EPB41L3: variants seen among roughly 807,000 people sequenced by gnomAD.
The protein encoded by EPB41L3 is erythrocyte membrane protein band 4.1 like 3.
In EPB41L3, 57 loss-of-function variants were observed where a neutral mutation model predicts 127.1. The ratio of observed to expected loss-of-function variants is 0.45; its 90% CI spans 0.36 to 0.56. The LOEUF (loss-of-function observed/expected upper bound fraction) is 0.56. EPB41L3 is among the 20% of genes least tolerant of loss of function. The pLI is 0.00. For missense variants in EPB41L3, 1,273 were observed against 1,372.2 expected (o/e 0.93, Z 1.14); for synonymous variants, 572 against 549.5 (o/e 1.04, Z -0.57).
At chr18:5,429,721 G>A (rs909250560) in intron 8 of EPB41L3, among the ~76,000 whole-genome samples, 3 of 152,174 alleles carry the variant, frequency 2.0e-5, no homozygotes, top group Non-Finnish European at 4.4e-5. Context: ...TACTCTGCAG[G>A]AGTGGAAATA....
intron 5 of EPB41L3, among the ~76,000 whole-genome samples, chr18:5,439,031 G>A (rs1476238825): frequency 6.6e-6 from 1 of 151,668 alleles, no homozygotes; most frequent in African/African-American, 2.4e-5. Flanking sequence ...TATTCACTCT[G>A]TTCTTCCGGC....
chr18:5,592,398 C>T (rs2094494380), intron 3 of EPB41L3, among the ~76,000 whole-genome samples: 1 of 152,176 alleles, frequency 6.6e-6, no homozygotes, highest in Non-Finnish European at 1.5e-5. Flanking sequence ...AACTCCTGAC[C>T]TCATGATCCA....
chr18:5,428,931 C>T (rs1217284937), intron 8 of EPB41L3, among the ~76,000 whole-genome samples: 1 of 152,240 alleles, frequency 6.6e-6, no homozygotes, highest in Non-Finnish European at 1.5e-5. Flanking sequence ...AGAGGCAGCA[C>T]TCTTAACCAA....
chr18:5,588,480 A>G (rs2094458723), intron 3 of EPB41L3, among the ~76,000 whole-genome samples: 2 of 151,802 alleles, frequency 1.3e-5, no homozygotes, highest in Non-Finnish European at 2.9e-5. Flanking sequence ...AATGTCATAT[A>G]TATACACATA....
chr18:5,493,970 A>C (rs757586811), intron 1 of EPB41L3, among the ~76,000 whole-genome samples: 1 of 151,956 alleles, frequency 6.6e-6, no homozygotes, highest in Non-Finnish European at 1.5e-5. Context: ...TCTATTTCTA[A>C]ACTTCACAAT....
intron 8 of EPB41L3, among the ~76,000 whole-genome samples, chr18:5,432,614 TA>T (rs1186621359): frequency 6.6e-6 from 1 of 152,164 alleles, no homozygotes; most frequent in East Asian, 1.9e-4. Flanking sequence ...CTGGGCTGTT[TA>T]AAAAGACTAG....
Position 5,397,733 on chromosome 18 carries a change from T to C in EPB41L3, c.2472+288A>G, listed in dbSNP as rs1164544754. ...CATTGCAGCGCATTCACGTTGGTTT[T>C]GGCTGCTTTCTTAGACTCAACTGGT... On this transcript the variant is annotated intron_variant, in intron 17 of 22. Transcript: ENST00000341928. The surrounding 1 kb of genome is among the most constrained non-coding windows in gnomAD (Gnocchi z 4.1). Among the ~76,000 whole-genome samples, 2 of 152,200 alleles carry C rather than the reference T, an allele frequency of 1.3e-5. No individual in the cohort carries two copies. Among genetic ancestry groups the C allele is most frequent in the Non-Finnish European group, 2.9e-5 (2 of 68,032 alleles).
chr18:5,626,233 C>G (rs1479811848), intron 1 of EPB41L3, among the ~76,000 whole-genome samples: 4 of 152,110 alleles, frequency 2.6e-5, no homozygotes, highest in African/African-American at 7.2e-5. Flanking sequence ...ATCAATCAGC[C>G]CTGCTTTTTC....
chr18:5,507,612 G>A (rs2092291541), intron 1 of EPB41L3, among the ~76,000 whole-genome samples: 1 of 152,112 alleles, frequency 6.6e-6, no homozygotes, highest in South Asian at 2.1e-4. Context: ...TAACATTGTT[G>A]ACTACATAGC....
intron 5 of EPB41L3, among the ~76,000 whole-genome samples, chr18:5,439,426 C>T (rs2080341978): frequency 6.6e-6 from 1 of 152,166 alleles, no homozygotes. Flanking sequence ...CTGAACTGTT[C>T]TCTTGCATCT....
At chr18:5,431,391 T>A (rs903469992) in intron 8 of EPB41L3, 2 of 152,226 alleles carry the variant, frequency 1.3e-5, no homozygotes, top group Non-Finnish European at 2.9e-5. Context: ...TTTGGCTGCA[T>A]GGGAAAATGG....
chr18:5,453,016 C>T (rs2082505928), intron 3 of EPB41L3, among the ~76,000 whole-genome samples: 1 of 152,194 alleles, frequency 6.6e-6, no homozygotes, highest in South Asian at 2.1e-4. Flanking sequence ...GGGAGGACAG[C>T]TCTCCTTGGC....
chr18:5,542,217 G>GTGC (rs1425105519), intron 1 of EPB41L3, among the ~76,000 whole-genome samples: 1 of 152,216 alleles, frequency 6.6e-6, no homozygotes, highest in African/African-American at 2.4e-5. Flanking sequence ...GGAGCTTGAT[G>GTGC]TGCTGCTCTC....
intron 1 of EPB41L3, among the ~76,000 whole-genome samples, chr18:5,523,804 A>G (rs1307602844): frequency 6.6e-6 from 1 of 152,036 alleles, no homozygotes; most frequent in Non-Finnish European, 1.5e-5. Context: ...ATTAACACCT[A>G]CTGGTATACA....
At chr18:5,512,701 C>T (rs957141226) in intron 1 of EPB41L3, among the ~76,000 whole-genome samples, 5 of 152,052 alleles carry the variant, frequency 3.3e-5, no homozygotes. Context: ...TTATAATATC[C>T]TAGAAATGGA....
intron 3 of EPB41L3, among the ~76,000 whole-genome samples, chr18:5,461,709 C>G (rs1473583278): frequency 6.6e-6 from 1 of 152,130 alleles, no homozygotes; most frequent in East Asian, 1.9e-4. Context: ...ATCCTAAATT[C>G]TATTTATACA....
chr18:5,590,091 G>A (rs1299649544), intron 3 of EPB41L3, among the ~76,000 whole-genome samples: 1 of 152,190 alleles, frequency 6.6e-6, no homozygotes, highest in Non-Finnish European at 1.5e-5. Context: ...AGGAGAAAAT[G>A]GGAGAAAGAA....
chr18:5,625,742 T>C (rs1213828651), intron 1 of EPB41L3, among the ~76,000 whole-genome samples: 1 of 152,164 alleles, frequency 6.6e-6, no homozygotes, highest in African/African-American at 2.4e-5. Context: ...TTTGATATGT[T>C]CTTCTGTTGA....
At chr18:5,594,304 C>T (rs570886153) in intron 3 of EPB41L3, among the ~76,000 whole-genome samples, 11 of 152,126 alleles carry the variant, frequency 7.2e-5, no homozygotes, top group Non-Finnish European at 1.2e-4. Context: ...TCCCGCAACA[C>T]CCCCGCAAAA....
Sources: allele counts gnomAD v4.1 joint callset (sites outside exome capture counted in the v4.1 genomes callset), GRCh38; gene constraint gnomAD v4.1.1; non-coding constraint Gnocchi (gnomAD v3.1); transcripts MANE v1.5; gene names NCBI Gene and HGNC (gene_info 2026-07-23, HGNC 2026-07-21).